Variants in SEZ6 observed in about 807,000 individuals in gnomAD.
SEZ6 encodes the protein seizure related 6 homolog, also known as seizure protein 6 homolog.
Under a neutral mutation model 101.0 loss-of-function variants are expected in SEZ6, and 53 were observed. That is an observed-to-expected ratio of 0.52 (90% confidence interval 0.42 to 0.66). The LOEUF is 0.66. Ranked by LOEUF, SEZ6 falls within the 30% of genes least tolerant of loss-of-function variation. The probability of loss-of-function intolerance (pLI) is 0.00; values close to 1 mark genes in which losing one functional copy is unlikely to be tolerated. For synonymous variants in SEZ6, 488 were observed against 512.2 expected (o/e 0.95, Z 0.64); for missense variants, 1,102 against 1,289.4 (o/e 0.85, Z 2.23).
chr17:28,980,207 CTT>C (rs3052135), intron 2 of SEZ6, among the ~76,000 whole-genome samples: 21,137 of 132,740 alleles, frequency 0.16, 1,694 homozygotes, highest in South Asian at 0.25. Context: ...TGTTTTCTTT[CTT>C]TTTTTTTTTT....
chr17:28,980,801 G>A (rs543498503), intron 2 of SEZ6, among the ~76,000 whole-genome samples: 2 of 152,150 alleles, frequency 1.3e-5, no homozygotes, highest in Non-Finnish European at 2.9e-5. Context: ...ACCGTGTCCA[G>A]CCAGAAGTTT....
chr17:28,961,486 C>T (rs1308165734), intron 5 of SEZ6, among the ~76,000 whole-genome samples: 1 of 152,112 alleles, frequency 6.6e-6, no homozygotes. Context: ...TGGTGTTCAG[C>T]GTTGGTTGAA....
chr17:28,998,700 A>T (rs2041575764), intron 1 of SEZ6, among the ~76,000 whole-genome samples: 1 of 152,048 alleles, frequency 6.6e-6, no homozygotes, highest in African/African-American at 2.4e-5. Flanking sequence ...GAGGTCCTGT[A>T]CCTGCTCTTC....
rs779955336 is a variant in SEZ6, at chr17:28,960,493, C to T, written c.1576+12G>A. On this transcript the variant is annotated intron_variant, in intron 7 of 16. Transcript: ENST00000317338. ...GGACCCGCCACCCCCAGTGAGGCCC[C>T]AGCAGGCTCACCCTCATAGCGCAGG... 3.2e-6 allele frequency: 5 copies of T among 1,583,222 alleles called. No individual in the cohort carries two copies. Among genetic ancestry groups the T allele is most frequent in the African/African-American group, 1.3e-5 (1 of 74,128 alleles).
chr17:29,006,054 G>A (rs1441515081), upstream of SEZ6: 4 of 394,012 alleles, frequency 1.0e-5, no homozygotes, highest in East Asian at 1.4e-4. Flanking sequence ...TGGCGACGGC[G>A]CCGGGGATCG....
intron 10 of SEZ6, 55 bp downstream of exon 10, chr17:28,958,970 T>G (rs2040928304): frequency 6.4e-7 from 1 of 1,550,712 alleles, no homozygotes; most frequent in Non-Finnish European, 8.7e-7. Flanking sequence ...CCCTAGCCTC[T>G]TTGGCTTGCC....
chr17:28,978,873 G>A (rs1251724740), intron 3 of SEZ6, among the ~76,000 whole-genome samples: 2 of 151,900 alleles, frequency 1.3e-5, no homozygotes, highest in Non-Finnish European at 2.9e-5. Flanking sequence ...TGGAGGGAGA[G>A]AAGCAGAGAG....
At chr17:28,971,927 A>G (rs1428480173) in intron 3 of SEZ6, among the ~76,000 whole-genome samples, 1 of 152,122 alleles carries the variant, frequency 6.6e-6, no homozygotes, top group Non-Finnish European at 1.5e-5. Context: ...TCCCCAACTC[A>G]TCTCCTGCTG....
chr17:28,980,376 T>G (rs1300052727), intron 2 of SEZ6, among the ~76,000 whole-genome samples: 1 of 151,064 alleles, frequency 6.6e-6, no homozygotes, highest in Non-Finnish European at 1.5e-5. Flanking sequence ...CTGGCTATTT[T>G]TTTTTTTTTT....
intron 1 of SEZ6, among the ~76,000 whole-genome samples, chr17:28,986,799 C>T (rs941234274): frequency 3.3e-5 from 5 of 152,218 alleles, no homozygotes; most frequent in Admixed American, 2.0e-4. Context: ...TCTGTCTGCT[C>T]ATCTGTGGAG....
chr17:28,962,623 A>C (rs1236783246), intron 5 of SEZ6, among the ~76,000 whole-genome samples: 5 of 151,880 alleles, frequency 3.3e-5, no homozygotes, highest in African/African-American at 4.8e-5. Flanking sequence ...TACTAAAAAT[A>C]CAAAAAAATT....
chr17:28,957,720 C>A, intron 11 of SEZ6, 181 bp from the exon 12 acceptor site: 2 of 864,184 alleles, frequency 2.3e-6, no homozygotes, highest in Non-Finnish European at 3.5e-6. Flanking sequence ...CTATTAGGTT[C>A]GATAAAAACT....
chr17:28,957,666 C>T (rs900940782), intron 11 of SEZ6, 127 bp from the exon 12 acceptor site: 3 of 1,078,526 alleles, frequency 2.8e-6, no homozygotes, highest in East Asian at 5.2e-5. Flanking sequence ...CGTATCTGTC[C>T]CTACCATTAT....
At position 28,960,955 on chromosome 17, in the gene SEZ6, A is replaced by G. The variant is rs1598180769; in HGVS notation, c.1259T>C (p.Ile420Thr). 4 of 1,613,406 alleles carry G rather than the reference A, an allele frequency of 2.5e-6. No homozygotes were observed. The highest frequency in any genetic ancestry group is 3.4e-6 in the Non-Finnish European group (4 of 1,179,780). Residue 420 changes from isoleucine (I) to threonine (T), a missense_variant, in exon 6 of 17, where the codon ATC becomes ACC. By Grantham distance (89) the Ile-to-Thr change is moderately conservative. Transcript: ENST00000317338. ...GATGCGGCCGGTGGTGGCATTGCGG[A>G]TCACTCCGCCGCAAGCAGCTGTTAA... The part of the protein sequence containing the change: ...PVCIAACGGV[I>T]RNATTGRIVS...
Position 28,981,351 on chromosome 17 carries a change from C to T in SEZ6, c.724+20G>A. 6.5e-7 allele frequency: 1 copy of T among 1,528,862 alleles called. No homozygotes were observed. Among genetic ancestry groups the T allele is most frequent in the African/African-American group, 1.4e-5 (1 of 72,868 alleles). 94.7% of individuals were successfully genotyped at this position (1,528,862 alleles called of 1,614,324 possible). ...TCCCCCATCCCCATTTCCACATCTG[C>T]AAGCCAGCAGGTAGCTGACCTGGTG... On this transcript the variant is annotated intron_variant, in intron 2 of 16. Coordinates refer to ENST00000317338, the MANE Select transcript of SEZ6 (RefSeq NM_178860.5).
rs373993508 is a variant in SEZ6, at chr17:28,981,916, G to A, written c.179C>T (p.Thr60Ile). ...QPERGVHFVT[T>I]APTLKLLNHH... ...GTTGAGCAGCTTCAAGGTGGGGGCT[G>A]TTGTGACAAAGTGGACGCCTCGTTC... The change falls in exon 2 of 17, where the codon ACA becomes ATA. Residue 60 changes from threonine to isoleucine, a missense_variant. Physicochemically the swap from Thr to Ile is moderately conservative, Grantham distance 89. Transcript: ENST00000317338. 182 of 1,613,826 alleles carry A rather than the reference G, an allele frequency of 1.1e-4. No homozygotes were observed. The highest frequency in any genetic ancestry group is 1.5e-4 in the Non-Finnish European group (176 of 1,179,898).
rs1314995230 is a variant in SEZ6, at chr17:29,005,918, G to GGGGGCTTGGT, written c.-59_-50dup. The GGGGGCTTGGT allele has an allele frequency of 1.4e-6, 2 of 1,394,126 alleles. No individual in the cohort carries two copies. Among genetic ancestry groups the GGGGGCTTGGT allele is most frequent in the African/African-American group, 1.5e-5 (1 of 66,648 alleles). The allele number at this position is 1,394,126 out of a possible 1,614,324, so 86.4% of individuals were successfully genotyped here. On this transcript the variant is annotated 5_prime_UTR_variant, in exon 1 of 17. Coordinates refer to ENST00000317338, the MANE Select transcript of SEZ6 (RefSeq NM_178860.5). The surrounding 1 kb of genome is among the most constrained non-coding windows in gnomAD (Gnocchi z 4.8). ...GGGCTGGGACCGCGGCGGGAGGGCG[G>GGGGGCTTGGT]GGGGCTTGGTGGGGCTTGGGCGCGG...
chr17:28,991,671 G>A (rs571196785), intron 1 of SEZ6, among the ~76,000 whole-genome samples: 3 of 152,136 alleles, frequency 2.0e-5, no homozygotes, highest in Non-Finnish European at 2.9e-5. Flanking sequence ...CCCTCCTTTC[G>A]GGTCTGGGAA....
intron 1 of SEZ6, among the ~76,000 whole-genome samples, chr17:28,989,058 G>C (rs2041422230): frequency 6.6e-6 from 1 of 152,168 alleles, no homozygotes; most frequent in South Asian, 2.1e-4. Context: ...GGGTCTCACT[G>C]TCACATGGAG....
Sources: allele counts gnomAD v4.1 joint callset (sites outside exome capture counted in the v4.1 genomes callset), GRCh38; gene constraint gnomAD v4.1.1; non-coding constraint Gnocchi (gnomAD v3.1); transcripts MANE v1.5; gene names NCBI Gene and HGNC (gene_info 2026-07-23, HGNC 2026-07-21).